Variants in ZC3H11B observed in about 807,000 individuals in gnomAD.
ZC3H11B encodes the protein zinc finger CCCH-type containing 11B.
Under a neutral mutation model 34.0 loss-of-function variants are expected in ZC3H11B, and 3 were observed. The observed-to-expected ratio is 0.09, with a 90% CI of 0.04 to 0.23. ZC3H11B has a LOEUF of 0.23. ZC3H11B is among the 10% of genes least tolerant of loss of function. The pLI is 1.00. For synonymous variants in ZC3H11B, 33 were observed against 250.1 expected, an observed-to-expected ratio of 0.13 and a Z score of 8.19; for missense variants, 99 against 660.1, an observed-to-expected ratio of 0.15 and a Z score of 9.31.
At chr1:219,611,131 A>G in exon 2 of ZC3H11B, 10 of 1,613,514 alleles carry the variant, frequency 6.2e-6, no homozygotes, top group Non-Finnish European at 8.5e-6. Flanking sequence ...TGGAGCTTCA[A>G]CTTTCTTCCC....
At chr1:219,611,704 A>G (rs1668003870) in exon 2 of ZC3H11B, 9 of 1,611,298 alleles carry the variant, frequency 5.6e-6, no homozygotes, top group Middle Eastern at 1.6e-4. Context: ...GTTCTGCTGA[A>G]CTGAAAGTTG....
rs1468771341 is a variant in ZC3H11B, at chr1:219,612,207, C to G, written c.-145G>C. ...ACAGAAATTGTCTTTAAACTGTAATCATTAGCTGGTTGCTCTCAACAGGAA... is the reference window on the plus strand; with the variant it reads ...ACAGAAATTGTCTTTAAACTGTAATGATTAGCTGGTTGCTCTCAACAGGAA... On this transcript the variant is annotated 5_prime_UTR_variant, in exon 2 of 2. The change abolishes an upstream ATG in the 5' untranslated region. Transcript: ENST00000651890. The G allele has an allele frequency of 3.9e-5, 25 of 646,502 alleles. No homozygotes were observed. Among genetic ancestry groups the G allele is most frequent in the South Asian group, 3.4e-4 (18 of 52,544 alleles). The allele number at this position is 646,502 out of a possible 1,614,324, so 40.0% of individuals were successfully genotyped here.
exon 2 of ZC3H11B, chr1:219,612,124 AG>A (rs1206134689): frequency 1.7e-6 from 1 of 591,826 alleles, no homozygotes; most frequent in African/African-American, 2.2e-5. Context: ...CCTCAAAGCA[AG>A]GACCAGGCTC....
exon 2 of ZC3H11B, among the ~76,000 whole-genome samples, chr1:219,608,103 A>G (rs1667944484): frequency 6.6e-6 from 1 of 152,148 alleles, no homozygotes; most frequent in Non-Finnish European, 1.5e-5. Context: ...TCCAAAAGCG[A>G]AATAAGTAGA....
At chr1:219,611,632 G>C in exon 2 of ZC3H11B, 1 of 1,606,470 alleles carries the variant, frequency 6.2e-7, no homozygotes, top group South Asian at 1.1e-5. Flanking sequence ...AACATTTTCG[G>C]AACTTTCTAC....
At chr1:219,612,276 C>G (rs1295951222) in exon 2 of ZC3H11B, 2 of 497,554 alleles carry the variant, frequency 4.0e-6, no homozygotes, top group Non-Finnish European at 7.0e-6. Flanking sequence ...GCCTGTAGGT[C>G]GAACCAACAC....
exon 2 of ZC3H11B, chr1:219,611,692 T>G: frequency 6.2e-7 from 1 of 1,612,244 alleles, no homozygotes; most frequent in Admixed American, 1.7e-5. Context: ...GACAGACAAT[T>G]TGTTCTGCTG....
exon 2 of ZC3H11B, chr1:219,608,382 G>A (rs1307708901): frequency 6.6e-5 from 10 of 152,592 alleles, no homozygotes; most frequent in African/African-American, 1.4e-4. Flanking sequence ...AACATGACAG[G>A]TGGGTCAGAT....
rs1254645206 is a variant in ZC3H11B, at chr1:219,612,295, T to A, written c.-233A>T. The A allele has an allele frequency of 1.2e-5, 6 of 498,708 alleles. No individual in the cohort carries two copies. The highest frequency in any genetic ancestry group is 2.3e-5 in the African/African-American group (1 of 42,842). The allele number at this position is 498,708 out of a possible 1,614,324, so 30.9% of individuals were successfully genotyped here. The stretch of plus-strand genomic sequence containing the variant: ...GTAGGTCGAACCAACACTCAATCCA[T>A]GAATTAATAATAATGAGGCAGAAAA... On this transcript the variant is annotated 5_prime_UTR_variant, in exon 2 of 2. An upstream start codon of the reference 5' UTR is lost. Coordinates refer to ENST00000651890, the Ensembl canonical transcript of ZC3H11B.
rs557721754 is a variant in ZC3H11B, at chr1:219,608,735, C to T, written c.*910G>A. 3.3e-5 allele frequency: 5 copies of T among 152,534 alleles called. No homozygotes were observed. The South Asian group carries it at 8.3e-4, about 25-fold the overall frequency. 9.4% of individuals were successfully genotyped at this position (152,534 alleles called of 1,614,324 possible). A position where few individuals can be genotyped will look rare whatever the true frequency, so the allele number is the denominator to read the frequency against. On this transcript the variant is annotated 3_prime_UTR_variant, in exon 2 of 2. Transcript: ENST00000651890. ...TTTTCCCTCAGGTGGTTAAAGGCCA[C>T]CACATAAATACTGGGCAACAGGGGT... is the stretch of plus-strand genomic sequence containing the variant.
chr1:219,610,728 AACT>A, exon 2 of ZC3H11B: 1 of 612,242 alleles, frequency 1.6e-6, no homozygotes. Context: ...TGGGTGGCAA[AACT>A]ACTGTTTTTT....
chr1:219,608,763 G>T (rs1667955826), exon 2 of ZC3H11B: 1 of 152,596 alleles, frequency 6.6e-6, no homozygotes, highest in South Asian at 2.1e-4. Flanking sequence ...ACAGGGGTTT[G>T]TTGGGAGAAT....
Position 219,612,371 on chromosome 1 carries a change from C to T in ZC3H11B, c.-309G>A. On this transcript the variant is annotated 5_prime_UTR_variant, in exon 2 of 2. In the 5' UTR this introduces an upstream ATG that the reference lacks. Transcript: ENST00000651890. ...AAACCTCTCAGCCACAATTCAAACA[C>T]AGCATGTGTTTTTAAAACATCTCCC... The T allele has an allele frequency of 3.0e-6, 1 of 328,576 alleles. No homozygotes were observed. The highest frequency in any genetic ancestry group is 4.0e-5 in the South Asian group (1 of 24,940). 20.4% of individuals were successfully genotyped at this position (328,576 alleles called of 1,614,324 possible).
At chr1:219,613,058 C>G in exon 1 of ZC3H11B, 1 of 225,252 alleles carries the variant, frequency 4.4e-6, no homozygotes, top group East Asian at 8.4e-5. Flanking sequence ...TGGCCGCTGC[C>G]GTCCGTCGTC....
At chr1:219,612,994 G>A (rs1376336710) in exon 1 of ZC3H11B, 6 of 245,258 alleles carry the variant, frequency 2.4e-5, no homozygotes, top group Non-Finnish European at 4.5e-5. Flanking sequence ...AGTGGGACCC[G>A]AACCGATGAC....
At position 219,611,313 on chromosome 1, in the gene ZC3H11B, T is replaced by TG. The variant is rs1667998553; in HGVS notation, c.749dup (p.Gly251ArgfsTer3). On this transcript the variant is annotated frameshift_variant, in exon 2 of 2. Coordinates refer to ENST00000651890, the Ensembl canonical transcript of ZC3H11B. LOFTEE classifies it high-confidence loss of function. ...TCCTGACATTTTCTTTTTCAGGACC[T>TG]GGAACAGGCTCAGGGTGGAGTAAAA... is the stretch of plus-strand genomic sequence containing the variant. The TG allele has an allele frequency of 1.2e-6, 1 of 804,018 alleles. No individual in the cohort carries two copies. The highest frequency in any genetic ancestry group is 2.1e-5 in the Admixed American group (1 of 47,520). 49.8% of individuals were successfully genotyped at this position (804,018 alleles called of 1,614,324 possible). A position where few individuals can be genotyped will look rare whatever the true frequency, so the allele number is the denominator to read the frequency against.
At chr1:219,612,761 T>G (rs1253802955) in intron 1 of ZC3H11B, 170 bp downstream of exon 1, 2 of 311,114 alleles carry the variant, frequency 6.4e-6, no homozygotes, top group Non-Finnish European at 1.1e-5. Context: ...ATGTCAACAG[T>G]ATAGGCCTTC....
chr1:219,612,260 T>C lies in ZC3H11B; in HGVS notation c.-198A>G. On this transcript the variant is annotated 5_prime_UTR_variant, in exon 2 of 2. It adds an upstream start codon to the 5' untranslated region. Coordinates refer to ENST00000651890, the Ensembl canonical transcript of ZC3H11B. ...TCTGTGTCTTCACTGAGTTCCAATC[T>C]ATTATGCCTGTAGGTCGAACCAACA... 1 of 527,056 alleles carries C rather than the reference T, an allele frequency of 1.9e-6. No homozygotes were observed. Among genetic ancestry groups the C allele is most frequent in the Non-Finnish European group, 3.3e-6 (1 of 300,136 alleles). The allele number at this position is 527,056 out of a possible 1,614,324, so 32.6% of individuals were successfully genotyped here.
At chr1:219,609,894 A>T in exon 2 of ZC3H11B, 1 of 1,614,166 alleles carries the variant, frequency 6.2e-7, no homozygotes, top group Non-Finnish European at 8.5e-7. Flanking sequence ...GACTGTCTCT[A>T]GGATTTTCTG....
Sources: gnomAD v4.1 joint callset for allele counts (sites outside exome capture counted in the v4.1 genomes callset) on GRCh38, gnomAD v4.1.1 for gene constraint, MANE v1.5 for transcripts, NCBI Gene and HGNC (gene_info 2026-07-23, HGNC 2026-07-21) for gene names.